TENM3: variants seen among roughly 807,000 people sequenced by gnomAD.
TENM3 encodes teneurin transmembrane protein 3, also known as teneurin-3.
Under a neutral mutation model 255.1 loss-of-function variants are expected in TENM3, and 63 were observed. That is an observed-to-expected ratio of 0.25 (90% CI 0.20 to 0.30). The LOEUF (loss-of-function observed/expected upper bound fraction) is 0.30, where lower values mean the gene tolerates loss of function less well. Among genes scored for constraint, TENM3 ranks in the 10% least tolerant of loss-of-function variants. TENM3 has a pLI of 1.00. For synonymous variants in TENM3, 1,306 were observed against 1,322.3 expected (o/e 0.99, Z 0.27); for missense variants, 2,929 against 3,461.1 (o/e 0.85, Z 3.86).
chr4:181,565,902 A>T, the TENM3 span, among the ~76,000 whole-genome samples: 2 of 152,238 alleles, frequency 1.3e-5, no homozygotes, highest in African/African-American at 4.8e-5. Flanking sequence ...CCAGAATGAT[A>T]AAGTGCGGAA....
At chr4:181,828,747 C>T in the TENM3 span, among the ~76,000 whole-genome samples, 1 of 152,108 alleles carries the variant, frequency 6.6e-6, no homozygotes, top group African/African-American at 2.4e-5. Flanking sequence ...TGCCACCACA[C>T]CCGGCTAATT....
At chr4:182,302,045 T>C (rs1026615699) in intron 1 of TENM3, among the ~76,000 whole-genome samples, 20 of 152,208 alleles carry the variant, frequency 1.3e-4, no homozygotes, top group African/African-American at 4.6e-4. Context: ...TAAGCTGTTT[T>C]ATCAACCCTG....
intron 3 of TENM3, among the ~76,000 whole-genome samples, chr4:182,373,546 C>A (rs767859555): frequency 9.9e-5 from 15 of 152,112 alleles, no homozygotes; most frequent in African/African-American, 1.2e-4. Flanking sequence ...TTTTGACAAC[C>A]AGCTCCTGCA....
chr4:182,798,828 CT>C (rs2152838730), intron 27 of TENM3, among the ~76,000 whole-genome samples: 1 of 152,322 alleles, frequency 6.6e-6, no homozygotes, highest in Non-Finnish European at 1.5e-5. Context: ...AGAAAAACAA[CT>C]GTTTCTTTCA....
At chr4:182,141,957 A>G (rs1442783656), upstream of TENM3, 2 of 152,164 alleles carry the variant, frequency 1.3e-5, no homozygotes, top group African/African-American at 4.8e-5. Context: ...CTCACTTACT[A>G]CTTGGAAAAG....
chr4:182,193,554 G>A (rs746981198), intron 1 of TENM3, among the ~76,000 whole-genome samples: 3 of 152,176 alleles, frequency 2.0e-5, no homozygotes, highest in South Asian at 2.1e-4. Context: ...AAACAATAGC[G>A]TCCTGGCGTA....
the TENM3 span, among the ~76,000 whole-genome samples, chr4:181,923,199 A>T: frequency 6.6e-6 from 1 of 152,124 alleles, no homozygotes; most frequent in Admixed American, 6.6e-5. Flanking sequence ...TGCTGAAAAA[A>T]ATATATATTC....
chr4:182,791,856 A>AG (rs905619229), intron 25 of TENM3, among the ~76,000 whole-genome samples: 6 of 152,218 alleles, frequency 3.9e-5, no homozygotes, highest in Admixed American at 2.6e-4. Flanking sequence ...CACTCAGATG[A>AG]GGGGGGGAAA....
chr4:182,205,477 G>A (rs1044022561), intron 1 of TENM3, among the ~76,000 whole-genome samples: 1 of 152,176 alleles, frequency 6.6e-6, no homozygotes, highest in Non-Finnish European at 1.5e-5. Context: ...TTGGAGCCTG[G>A]CTCTTGATTC....
intron 1 of TENM3, chr4:182,145,311 G>A (rs538455506): frequency 9.2e-5 from 14 of 152,470 alleles, no homozygotes; most frequent in African/African-American, 3.1e-4. Context: ...GGTAGCGTGG[G>A]GAGTGGTGGA....
chr4:182,135,130 C>A, the TENM3 span, among the ~76,000 whole-genome samples: 1 of 141,896 alleles, frequency 7.0e-6, no homozygotes, highest in African/African-American at 2.7e-5. Flanking sequence ...CGCTGGAACC[C>A]GGGAGGCGGA....
chr4:181,767,546 G>A, the TENM3 span, among the ~76,000 whole-genome samples: 1 of 152,018 alleles, frequency 6.6e-6, no homozygotes, highest in Non-Finnish European at 1.5e-5. Flanking sequence ...TGTCTCTGTG[G>A]TCTATGTATA....
At chr4:181,585,356 G>A in the TENM3 span, among the ~76,000 whole-genome samples, 2 of 152,092 alleles carry the variant, frequency 1.3e-5, no homozygotes, top group East Asian at 3.9e-4. Context: ...TTTGTATATC[G>A]CAGCCTGAAG....
At chr4:182,270,950 T>C (rs1759578568) in intron 1 of TENM3, among the ~76,000 whole-genome samples, 1 of 152,212 alleles carries the variant, frequency 6.6e-6, no homozygotes, top group Non-Finnish European at 1.5e-5. Context: ...ATTGACACTG[T>C]GTAAAAATAA....
chr4:181,594,400 T>G, the TENM3 span, among the ~76,000 whole-genome samples: 1 of 152,332 alleles, frequency 6.6e-6, no homozygotes, highest in East Asian at 1.9e-4. Context: ...AATGGTCCAC[T>G]CTCAAGCTTT....
rs1039950823 is a variant in TENM3 at position 182,347,001 on chromosome 4, G to GT, written c.511+72_511+73insT. On this transcript the variant is annotated intron_variant, in intron 3 of 27. Coordinates refer to ENST00000511685, the MANE Select transcript of TENM3 (RefSeq NM_001080477.4). ...TCTGTTTTGGTTGACTCCGCGGGGGGGGATGTTTTTCTTTCTCTCCTTCCT... is the reference window on the plus strand; with the variant it reads ...TCTGTTTTGGTTGACTCCGCGGGGGGTGGATGTTTTTCTTTCTCTCCTTCCT... 166 of 1,133,228 alleles carry GT rather than the reference G, an allele frequency of 1.5e-4. 5 individuals carry two copies. The South Asian group carries it at 3.0e-3, about 20-fold the overall frequency. 70.2% of individuals were successfully genotyped at this position (1,133,228 alleles called of 1,614,324 possible).
intron 3 of TENM3, among the ~76,000 whole-genome samples, chr4:182,525,236 T>C (rs1455402067): frequency 2.0e-5 from 3 of 152,230 alleles, no homozygotes; most frequent in African/African-American, 7.2e-5. Flanking sequence ...CCCATAGGGC[T>C]GTTCCACAAA....
chr4:181,942,037 C>T, the TENM3 span, among the ~76,000 whole-genome samples: 2 of 152,150 alleles, frequency 1.3e-5, no homozygotes, highest in African/African-American at 4.8e-5. Flanking sequence ...AAGAGGCAGC[C>T]CTTCCGGTGA....
At chr4:182,020,621 A>C in the TENM3 span, among the ~76,000 whole-genome samples, 1 of 152,196 alleles carries the variant, frequency 6.6e-6, no homozygotes, top group Non-Finnish European at 1.5e-5. Flanking sequence ...TTTGATCACT[A>C]TACATTATAT....
Sources: gnomAD v4.1 joint callset for allele counts (sites outside exome capture counted in the v4.1 genomes callset) on GRCh38, gnomAD v4.1.1 for gene constraint, MANE v1.5 for transcripts, NCBI Gene and HGNC (gene_info 2026-07-23, HGNC 2026-07-21) for gene names.